Variants in CLK2 observed in about 807,000 individuals in gnomAD.
The protein encoded by CLK2 is dual specificity protein kinase CLK2.
A neutral mutation model predicts 73.5 loss-of-function variants in CLK2; 12 were observed. The ratio of observed to expected loss-of-function variants is 0.16; its 90% CI spans 0.10 to 0.26. The LOEUF is 0.26. CLK2 is among the 10% of genes least tolerant of loss of function. CLK2 has a pLI of 1.00. For synonymous variants in CLK2, 232 were observed against 237.9 expected, an observed-to-expected ratio of 0.98 and a Z score of 0.23; for missense variants, 509 against 688.4, an observed-to-expected ratio of 0.74 and a Z score of 2.92.
At chr1:155,267,839 TG>T (rs1454280094) in intron 6 of CLK2, among the ~76,000 whole-genome samples, 170 bp downstream of exon 6, 1 of 151,614 alleles carries the variant, frequency 6.6e-6, no homozygotes, top group Non-Finnish European at 1.5e-5. Flanking sequence ...AGGAATGTCA[TG>T]GGCCCCCCCC....
intron 1 of CLK2, among the ~76,000 whole-genome samples, chr1:155,272,236 G>A (rs1331628186): frequency 6.6e-6 from 1 of 151,972 alleles, no homozygotes; most frequent in Non-Finnish European, 1.5e-5. Flanking sequence ...GGCTGGTCTC[G>A]AACTCCCAAC....
intron 7 of CLK2, 53 bp downstream of exon 7, chr1:155,266,676 A>G (rs1256415227): frequency 2.5e-6 from 4 of 1,575,484 alleles, no homozygotes; most frequent in Non-Finnish European, 3.4e-6. Context: ...CGACAGAGAG[A>G]TCCAATGAAG....
intron 1 of CLK2, 117 bp from the exon 2 acceptor site, chr1:155,271,094 A>G: frequency 1.0e-6 from 1 of 1,003,018 alleles, no homozygotes; most frequent in Non-Finnish European, 1.5e-6. Context: ...GCCTCTTTTT[A>G]CCAGGCACAA....
intron 7 of CLK2, among the ~76,000 whole-genome samples, chr1:155,266,283 A>G (rs1286428581): frequency 6.6e-6 from 1 of 152,156 alleles, no homozygotes; most frequent in Non-Finnish European, 1.5e-5. Flanking sequence ...CAGAGGAATG[A>G]TATATTTCTT....
At chr1:155,271,633 C>T (rs955107686) in intron 1 of CLK2, among the ~76,000 whole-genome samples, 6 of 152,186 alleles carry the variant, frequency 3.9e-5, no homozygotes, top group African/African-American at 1.4e-4. Flanking sequence ...TGGAGACTGC[C>T]ACAGTGTATC....
rs533263043 is a variant in CLK2, at chr1:155,263,135, G to A, written c.*83C>T. ...AGGAGGAAGGAGTGAACTCTGGCTC[G>A]TTCTCTTGTATAAAAAAGCACCAGT... On this transcript the variant is annotated 3_prime_UTR_variant, in exon 13 of 13. Coordinates refer to ENST00000368361, the MANE Select transcript of CLK2 (RefSeq NM_001294338.2). 22 of 1,361,046 alleles carry A rather than the reference G, an allele frequency of 1.6e-5. No homozygotes were observed. Among genetic ancestry groups the A allele is most frequent in the East Asian group, 7.2e-5 (3 of 41,592 alleles). 84.3% of individuals were successfully genotyped at this position (1,361,046 alleles called of 1,614,324 possible).
Position 155,264,749 on chromosome 1 carries a change from C to T in CLK2, c.959G>A (p.Ser320Asn). Residue 320 changes from serine to asparagine, a missense_variant, in exon 9 of 13, where the codon AGC (serine) becomes AAC (asparagine). Transcript: ENST00000368361. ...AAAGTCTACCACCCGCACAGCTGTG[C>T]TCTTCACACTGCGCTCATCTCGCTT... ...EKKRDERSVK[S>N]TAVRVVDFGS... 12 of 1,614,224 alleles carry T rather than the reference C, an allele frequency of 7.4e-6. No homozygotes were observed. The highest frequency in any genetic ancestry group is 1.0e-5 in the Non-Finnish European group (12 of 1,180,040).
At chr1:155,272,627 T>C (rs1241518695) in intron 1 of CLK2, among the ~76,000 whole-genome samples, 3 of 152,106 alleles carry the variant, frequency 2.0e-5, no homozygotes, top group Non-Finnish European at 4.4e-5. Context: ...ATTTGATGCA[T>C]TCTTGGTGTA....
intron 2 of CLK2, among the ~76,000 whole-genome samples, chr1:155,270,359 G>A (rs995735237): frequency 2.6e-5 from 4 of 152,104 alleles, no homozygotes; most frequent in African/African-American, 9.7e-5. Flanking sequence ...GCAACAGAGT[G>A]AAACTCTGTC....
chr1:155,268,998 C>T lies in CLK2; in HGVS notation c.400-203G>A. On this transcript the variant is annotated intron_variant, in intron 3 of 12. Coordinates refer to ENST00000368361, the MANE Select transcript of CLK2 (RefSeq NM_001294338.2). The surrounding 1 kb of genome is among the most constrained non-coding windows in gnomAD (Gnocchi z 5.6). ...AGAGAGCGGCGCATAATCCCAAGTC[C>T]CCAAACCCAAAACAGGAACAGGGAG... 1 of 610,552 alleles carries T rather than the reference C, an allele frequency of 1.6e-6. No homozygotes were observed. Among genetic ancestry groups the T allele is most frequent in the Non-Finnish European group, 2.9e-6 (1 of 341,788 alleles). The allele number at this position is 610,552 out of a possible 1,614,324, so 37.8% of individuals were successfully genotyped here. A position where few individuals can be genotyped will look rare whatever the true frequency, so the allele number is the denominator to read the frequency against.
intron 1 of CLK2, 147 bp from the exon 2 acceptor site, chr1:155,271,124 T>A: frequency 2.5e-6 from 2 of 794,438 alleles, no homozygotes; most frequent in Non-Finnish European, 4.0e-6. Flanking sequence ...TCTTCCTCTG[T>A]ACTTACAATT....
intron 10 of CLK2, 71 bp downstream of exon 10, chr1:155,264,397 G>A (rs1673131349): frequency 2.5e-6 from 4 of 1,594,504 alleles, no homozygotes; most frequent in Admixed American, 1.7e-5. Context: ...GAGTAGGCAG[G>A]TCCTCAGCAG....
intron 3 of CLK2, 51 bp downstream of exon 3, chr1:155,269,437 T>C (rs1245503616): frequency 6.6e-7 from 1 of 1,511,640 alleles, no homozygotes; most frequent in Non-Finnish European, 9.2e-7. Context: ...ACCAGAGTCC[T>C]AGAGGGCCTG....
At position 155,268,894 on chromosome 1, in the gene CLK2, C is replaced by A; in HGVS notation, c.400-99G>T. 1.4e-6 allele frequency: 1 copy of A among 716,884 alleles called. No individual in the cohort carries two copies. The highest frequency in any genetic ancestry group is 2.5e-6 in the Non-Finnish European group (1 of 403,388). 44.4% of individuals were successfully genotyped at this position (716,884 alleles called of 1,614,324 possible). On this transcript the variant is annotated intron_variant, in intron 3 of 12. Coordinates refer to ENST00000368361, the MANE Select transcript of CLK2 (RefSeq NM_001294338.2). This position sits in a 1 kb window ranked among gnomAD's most constrained non-coding sequence, Gnocchi z 5.6. ...AGAGGGGTCACCGGTCACAGGCGCCCAGCCAGGGGGGACAGACGATGATGG... is the reference window on the plus strand; with the variant it reads ...AGAGGGGTCACCGGTCACAGGCGCCAAGCCAGGGGGGACAGACGATGATGG...
chr1:155,268,870 G>T lies in CLK2; in HGVS notation c.400-75C>A. 1 of 863,074 alleles carries T rather than the reference G, an allele frequency of 1.2e-6. No homozygotes were observed. Among genetic ancestry groups the T allele is most frequent in the Admixed American group, 1.9e-5 (1 of 52,970 alleles). The allele number at this position is 863,074 out of a possible 1,614,324, so 53.5% of individuals were successfully genotyped here. A position where few individuals can be genotyped will look rare whatever the true frequency, so the allele number is the denominator to read the frequency against. On this transcript the variant is annotated intron_variant, in intron 3 of 12. Transcript: ENST00000368361. This position sits in a 1 kb window ranked among gnomAD's most constrained non-coding sequence, Gnocchi z 5.6. ...CCGGAGGGAGGCGGGGTGGGTGGTA[G>T]AGGGGTCACCGGTCACAGGCGCCCA... is the stretch of plus-strand genomic sequence containing the variant.
In CLK2 at chr1:155,264,044, G is replaced by C. The variant is rs751280028; in HGVS notation, c.1227-4C>G. The C allele has an allele frequency of 6.2e-7, 1 of 1,612,554 alleles. No individual in the cohort carries two copies. Among genetic ancestry groups the C allele is most frequent in the South Asian group, 1.1e-5 (1 of 91,058 alleles). On this transcript the variant is annotated splice_polypyrimidine_tract_variant and splice_region_variant and intron_variant, in intron 11 of 12. Coordinates refer to ENST00000368361, the MANE Select transcript of CLK2 (RefSeq NM_001294338.2). ...CCGGTAAAAATATTTCTGCTTTCTA[G>C]AGGGGAAGGGGAGGTTGAGGAATCA... is the stretch of plus-strand genomic sequence containing the variant.
Position 155,268,856 on chromosome 1 carries a change from C to CGGGGGGGGGGCGGGGGGGAGGG in CLK2, c.400-62_400-61insCCCTCCCCCCCGCCCCCCCCCC. 1 of 193,830 alleles carries CGGGGGGGGGGCGGGGGGGAGGG rather than the reference C, an allele frequency of 5.2e-6. No individual in the cohort carries two copies. The highest frequency in any genetic ancestry group is 6.7e-5 in the Admixed American group (1 of 15,024). The allele number at this position is 193,830 out of a possible 1,614,324, so 12.0% of individuals were successfully genotyped here. A position where few individuals can be genotyped will look rare whatever the true frequency, so the allele number is the denominator to read the frequency against. On this transcript the variant is annotated intron_variant, in intron 3 of 12. Transcript: ENST00000368361. This position sits in a 1 kb window ranked among gnomAD's most constrained non-coding sequence, Gnocchi z 5.6. ...TGTCGGAGCGGGGGCCGGAGGGAGG[C>CGGGGGGGGGGCGGGGGGGAGGG]GGGGTGGGTGGTAGAGGGGTCACCG...
Position 155,269,719 on chromosome 1 carries a change from G to T in CLK2, c.171-3C>A. 5.0e-6 allele frequency: 8 copies of T among 1,613,302 alleles called. No individual in the cohort carries two copies. Among genetic ancestry groups the T allele is most frequent in the Non-Finnish European group, 6.8e-6 (8 of 1,179,232 alleles). ...CGGACGAACGATCATCATAACTGCT[G>T]TTGGATAACAAATACCAATGAGGTG... is the stretch of plus-strand genomic sequence containing the variant. On this transcript the variant is annotated splice_region_variant and splice_polypyrimidine_tract_variant and intron_variant, in intron 2 of 12. Coordinates refer to ENST00000368361, the MANE Select transcript of CLK2 (RefSeq NM_001294338.2).
chr1:155,270,760 G>T (rs374294744), intron 2 of CLK2, 48 bp downstream of exon 2: 2 of 1,565,182 alleles, frequency 1.3e-6, no homozygotes, highest in Non-Finnish European at 1.8e-6. Flanking sequence ...TTGAACAAAG[G>T]AATGAGCGAG....
Sources: allele counts gnomAD v4.1 joint callset (sites outside exome capture counted in the v4.1 genomes callset), GRCh38; gene constraint gnomAD v4.1.1; non-coding constraint Gnocchi (gnomAD v3.1); transcripts MANE v1.5; gene names NCBI Gene and HGNC (gene_info 2026-07-23, HGNC 2026-07-21).